The following VEPH1 variants were observed in gnomAD, a reference collection of about 807,000 sequenced individuals.
VEPH1 encodes the protein ventricular zone expressed PH domain containing 1.
A neutral mutation model predicts 85.2 loss-of-function variants in VEPH1; 80 were observed. The ratio of observed to expected loss-of-function variants is 0.94; its 90% CI spans 0.78 to 1.13. VEPH1 has a LOEUF of 1.13. Ranked by LOEUF, VEPH1 falls within the 50% of genes most tolerant of loss-of-function variation. VEPH1 has a pLI of 0.00. For missense variants in VEPH1, 955 were observed against 980.5 expected, an observed-to-expected ratio of 0.97 and a Z score of 0.35; for synonymous variants, 297 against 348.0, an observed-to-expected ratio of 0.85 and a Z score of 1.63.
chr3:157,346,876 A>G (rs1724283914), intron 9 of VEPH1, among the ~76,000 whole-genome samples: 2 of 152,142 alleles, frequency 1.3e-5, no homozygotes, highest in African/African-American at 4.8e-5. Context: ...TCAGCCTCCC[A>G]ACATGCTGAG....
chr3:157,352,994 C>G (rs912971743), intron 9 of VEPH1, among the ~76,000 whole-genome samples: 1 of 152,136 alleles, frequency 6.6e-6, no homozygotes, highest in Non-Finnish European at 1.5e-5. Context: ...CTGTAATATA[C>G]TCTTGGGATA....
chr3:157,287,675 G>A (rs978338534), intron 11 of VEPH1, among the ~76,000 whole-genome samples: 2 of 151,822 alleles, frequency 1.3e-5, no homozygotes, highest in South Asian at 2.1e-4. Context: ...AGTGATTCTC[G>A]TGTGTCAGCC....
intron 4 of VEPH1, among the ~76,000 whole-genome samples, chr3:157,441,870 G>A (rs1734148416): frequency 6.6e-6 from 1 of 151,904 alleles, no homozygotes; most frequent in East Asian, 1.9e-4. Flanking sequence ...GCTGAAAAAT[G>A]CATGTTGGTA....
intron 2 of VEPH1, among the ~76,000 whole-genome samples, chr3:157,487,160 T>C (rs1738727901): frequency 1.3e-5 from 2 of 151,858 alleles, no homozygotes; most frequent in South Asian, 4.1e-4. Flanking sequence ...AGTAAAGTAG[T>C]AAAGACTTAA....
chr3:157,269,642 G>GTTTTTTTTTTTTTTTTTTTTTTTTTGT (rs11408861), intron 12 of VEPH1, among the ~76,000 whole-genome samples: 4 of 115,456 alleles, frequency 3.5e-5, no homozygotes, highest in East Asian at 2.4e-4. Flanking sequence ...TGTTTTTGTT[G>GTTTTTTTTTTTTTTTTTTTTTTTTTGT]TTTTTTTTTT....
intron 9 of VEPH1, among the ~76,000 whole-genome samples, chr3:157,338,079 G>A (rs931520863): frequency 6.6e-6 from 1 of 152,046 alleles, no homozygotes; most frequent in Non-Finnish European, 1.5e-5. Flanking sequence ...GACAAGTTAC[G>A]TATCATCCTT....
intron 9 of VEPH1, among the ~76,000 whole-genome samples, chr3:157,319,901 T>C (rs1218567436): frequency 6.6e-6 from 1 of 152,204 alleles, no homozygotes; most frequent in Admixed American, 6.5e-5. Flanking sequence ...ACACTGGCTA[T>C]AAAAATACAT....
At chr3:157,499,785 G>C (rs1739959922) in intron 1 of VEPH1, 1 of 152,404 alleles carries the variant, frequency 6.6e-6, no homozygotes, top group Non-Finnish European at 1.5e-5. Context: ...AGCCACGCAG[G>C]AAACAATTTT....
At chr3:157,480,513 A>C (rs1030561813) in intron 2 of VEPH1, among the ~76,000 whole-genome samples, 11 of 152,042 alleles carry the variant, frequency 7.2e-5, no homozygotes, top group Non-Finnish European at 2.9e-5. Context: ...CTATTTGTAC[A>C]AATGCTTAGC....
intron 13 of VEPH1, among the ~76,000 whole-genome samples, chr3:157,264,944 A>G (rs1713425599): frequency 6.6e-6 from 1 of 152,240 alleles, no homozygotes; most frequent in Non-Finnish European, 1.5e-5. Context: ...CTGAAAATTC[A>G]CAATACAAAT....
chr3:157,489,131 T>C (rs1233031460), intron 2 of VEPH1: 1 of 456,388 alleles, frequency 2.2e-6, no homozygotes. Context: ...TCAACTGGCC[T>C]TTCTGATTTC....
intron 13 of VEPH1, 47 bp downstream of exon 13, chr3:157,265,479 A>G (rs1339197656): frequency 6.3e-7 from 1 of 1,592,728 alleles, no homozygotes; most frequent in South Asian, 1.1e-5. Flanking sequence ...ATTGGTGGAG[A>G]TCAAAACCTT....
At position 157,297,505 on chromosome 3, in the gene VEPH1, A is replaced by G. The variant is rs1044837651; in HGVS notation, c.2011-10831T>C. On this transcript the variant is annotated intron_variant, in intron 11 of 13. Transcript: ENST00000362010. ...GGGTAATGGTGCAATGAGATGCATA[A>G]ATAGATGAGTGTAATGATAAAGACA... 2.0e-5 allele frequency among the ~76,000 whole-genome samples: 3 copies of G among 152,198 alleles called. No homozygotes were observed. In the South Asian group the frequency reaches 6.2e-4, roughly 32 times the overall value.
chr3:157,481,058 G>C lies in VEPH1; in HGVS notation c.139-10529C>G, dbSNP rs73013613. Among the ~76,000 whole-genome samples, 844 of 152,152 alleles carry C rather than the reference G, an allele frequency of 5.5e-3. 5 individuals are homozygous for C. The highest frequency in any genetic ancestry group is 0.018 in the African/African-American group (768 of 41,522). ...CATTTCTCTGATGACTGCTAAAGTT[G>C]AGCATTTTTTCATGTTTGTCAGCTG... is the stretch of plus-strand genomic sequence containing the variant. On this transcript the variant is annotated intron_variant, in intron 2 of 13. Transcript: ENST00000362010.
intron 9 of VEPH1, among the ~76,000 whole-genome samples, chr3:157,324,742 A>G (rs1007068962): frequency 6.6e-6 from 1 of 151,526 alleles, no homozygotes; most frequent in African/African-American, 2.4e-5. Context: ...TCTGTCACTG[A>G]TGGGCATTTA....
chr3:157,432,014 A>AT (rs1161151061), intron 4 of VEPH1, among the ~76,000 whole-genome samples: 5 of 151,298 alleles, frequency 3.3e-5, no homozygotes, highest in African/African-American at 4.9e-5. Context: ...CACCCAGCTA[A>AT]TTTTTTTGTA....
In VEPH1 at chr3:157,409,853, A is replaced by G. The variant is rs1167550418; in HGVS notation, c.906+4028T>C. ...CCCCCATGGCCAAATTCTGGACTGA[A>G]GATTGCAAACCCACAGGAGACTCTG... On this transcript the variant is annotated intron_variant, in intron 6 of 13. Transcript: ENST00000362010. The G allele has an allele frequency of 5.1e-6, 5 of 985,382 alleles. No individual in the cohort carries two copies. In the African/African-American group the frequency reaches 8.7e-5, roughly 17 times the overall value. 61.0% of individuals were successfully genotyped at this position (985,382 alleles called of 1,614,324 possible).
At chr3:157,412,486 A>T (rs1232857719) in intron 6 of VEPH1, among the ~76,000 whole-genome samples, 1 of 152,138 alleles carries the variant, frequency 6.6e-6, no homozygotes, top group Non-Finnish European at 1.5e-5. Context: ...CACACCTCAG[A>T]GGTTGAATTT....
intron 9 of VEPH1, among the ~76,000 whole-genome samples, chr3:157,357,905 G>C (rs10936083): frequency 0.23 from 35,664 of 152,128 alleles, 4,915 homozygotes; most frequent in Admixed American, 0.43. Flanking sequence ...ATAAAGTTAT[G>C]TTATGTCTTC....
Sources: gnomAD v4.1 joint callset for allele counts (sites outside exome capture counted in the v4.1 genomes callset) on GRCh38, gnomAD v4.1.1 for gene constraint, MANE v1.5 for transcripts, NCBI Gene and HGNC (gene_info 2026-07-23, HGNC 2026-07-21) for gene names.